Variants in PABPC4L observed in about 807,000 individuals in gnomAD.
PABPC4L encodes the protein polyadenylate-binding protein 4-like.
For synonymous variants in PABPC4L, 169 were observed against 164.1 expected (o/e 1.03, Z -0.23); for missense variants, 452 against 451.4 (o/e 1.00, Z -0.01).
the PABPC4L span, among the ~76,000 whole-genome samples, chr4:134,072,405 C>T: frequency 2.0e-5 from 3 of 152,164 alleles, 1 homozygote; most frequent in Non-Finnish European, 4.4e-5. Flanking sequence ...TAAGTGTTCA[C>T]ACCATTTTAT....
At chr4:134,029,434 T>C in the PABPC4L span, among the ~76,000 whole-genome samples, 1 of 152,032 alleles carries the variant, frequency 6.6e-6, no homozygotes, top group Admixed American at 6.6e-5. Context: ...AAGTAGGACA[T>C]ATTTCCTGCC....
At chr4:134,133,234 TA>T in the PABPC4L span, among the ~76,000 whole-genome samples, 18 of 136,780 alleles carry the variant, frequency 1.3e-4, no homozygotes, top group Non-Finnish European at 2.1e-4. Context: ...ATTAGATATT[TA>T]ATATTACATA....
At chr4:134,022,417 C>T in the PABPC4L span, among the ~76,000 whole-genome samples, 1 of 152,078 alleles carries the variant, frequency 6.6e-6, no homozygotes, top group African/African-American at 2.4e-5. Flanking sequence ...AACACACACA[C>T]ACATGCATGC....
chr4:134,141,933 T>C, the PABPC4L span, among the ~76,000 whole-genome samples: 10 of 151,752 alleles, frequency 6.6e-5, no homozygotes, highest in Admixed American at 4.6e-4. Flanking sequence ...TGTCACTTCT[T>C]TCTTTGAAAA....
the PABPC4L span, among the ~76,000 whole-genome samples, chr4:134,141,233 C>G: frequency 6.6e-6 from 1 of 151,620 alleles, no homozygotes; most frequent in African/African-American, 2.4e-5. Flanking sequence ...ACCAGTACCA[C>G]CACCCCTGTG....
At chr4:134,030,681 A>C in the PABPC4L span, among the ~76,000 whole-genome samples, 1 of 152,126 alleles carries the variant, frequency 6.6e-6, no homozygotes, top group Non-Finnish European at 1.5e-5. Flanking sequence ...TAATGAATGA[A>C]CATTGAAATA....
the PABPC4L span, among the ~76,000 whole-genome samples, chr4:134,035,331 C>T: frequency 6.6e-6 from 1 of 151,920 alleles, no homozygotes; most frequent in East Asian, 1.9e-4. Flanking sequence ...GGTATGAAAC[C>T]TGTAATGTCT....
the PABPC4L span, among the ~76,000 whole-genome samples, chr4:134,027,512 C>T: frequency 6.6e-6 from 1 of 152,152 alleles, no homozygotes; most frequent in East Asian, 1.9e-4. Context: ...CATATCTTCG[C>T]TACTGTTAAT....
chr4:133,994,702 G>T, the PABPC4L span, among the ~76,000 whole-genome samples: 5 of 152,002 alleles, frequency 3.3e-5, no homozygotes, highest in African/African-American at 9.7e-5. Flanking sequence ...TGTGGCTCCC[G>T]TGCTTCCAAA....
chr4:134,005,401 T>C, the PABPC4L span, among the ~76,000 whole-genome samples: 2 of 151,988 alleles, frequency 1.3e-5, no homozygotes, highest in Non-Finnish European at 1.5e-5. Context: ...GGGAGGGCTT[T>C]AAGGAAGAGA....
the PABPC4L span, among the ~76,000 whole-genome samples, chr4:134,180,159 G>C: frequency 6.6e-6 from 1 of 151,978 alleles, no homozygotes; most frequent in Non-Finnish European, 1.5e-5. Context: ...ACAATCCTCA[G>C]CAAATTCATA....
rs2125707979 is a variant in PABPC4L, at chr4:134,197,736, G to A, written c.*2171C>T. 6.6e-6 allele frequency: 1 copy of A among 151,676 alleles called. No individual in the cohort carries two copies. Among genetic ancestry groups the A allele is most frequent in the African/African-American group, 2.4e-5 (1 of 41,484 alleles). 9.4% of individuals were successfully genotyped at this position (151,676 alleles called of 1,614,324 possible). A position where few individuals can be genotyped will look rare whatever the true frequency, so the allele number is the denominator to read the frequency against. On this transcript the variant is annotated 3_prime_UTR_variant, in exon 2 of 2. Coordinates refer to ENST00000421491, the MANE Select transcript of PABPC4L (RefSeq NM_001114734.2). ...TTGTAATTTACAAAAGTGAAATAAAGCAATGATGAAATGGTTTGTTTTACA... is the reference window on the plus strand; with the variant it reads ...TTGTAATTTACAAAAGTGAAATAAAACAATGATGAAATGGTTTGTTTTACA...
the PABPC4L span, among the ~76,000 whole-genome samples, chr4:134,145,335 T>C: frequency 6.6e-6 from 1 of 151,728 alleles, no homozygotes; most frequent in Non-Finnish European, 1.5e-5. Flanking sequence ...AAGAAAAAGA[T>C]TGGGAAATAA....
the PABPC4L span, among the ~76,000 whole-genome samples, chr4:134,119,323 T>C: frequency 2.6e-5 from 4 of 151,766 alleles, no homozygotes; most frequent in Non-Finnish European, 4.4e-5. Flanking sequence ...TACAAACTGA[T>C]ATAATTTTAA....
At chr4:134,183,328 C>A in the PABPC4L span, among the ~76,000 whole-genome samples, 1 of 151,674 alleles carries the variant, frequency 6.6e-6, no homozygotes, top group Non-Finnish European at 1.5e-5. Context: ...GAGCTGGAGG[C>A]CATTATCCTA....
At chr4:134,070,368 G>A in the PABPC4L span, among the ~76,000 whole-genome samples, 1 of 152,018 alleles carries the variant, frequency 6.6e-6, no homozygotes, top group Non-Finnish European at 1.5e-5. Flanking sequence ...GTGGGGGCTG[G>A]GCTGACACAT....
At chr4:134,148,457 A>G in the PABPC4L span, among the ~76,000 whole-genome samples, 58 of 151,976 alleles carry the variant, frequency 3.8e-4, no homozygotes, top group African/African-American at 1.4e-3. Flanking sequence ...GCCACAGCTG[A>G]TATTCTTTAT....
the PABPC4L span, among the ~76,000 whole-genome samples, chr4:134,005,903 G>T: frequency 6.6e-6 from 1 of 151,690 alleles, no homozygotes; most frequent in African/African-American, 2.4e-5. Context: ...AAGTGAAAAG[G>T]TGCAGAGAAT....
the PABPC4L span, among the ~76,000 whole-genome samples, chr4:134,157,922 C>T: frequency 6.6e-6 from 1 of 151,708 alleles, no homozygotes; most frequent in Non-Finnish European, 1.5e-5. Context: ...GTTTTATGCA[C>T]ACAAGGTATG....
Sources: gnomAD v4.1 joint callset for allele counts (sites outside exome capture counted in the v4.1 genomes callset) on GRCh38, gnomAD v4.1.1 for gene constraint, MANE v1.5 for transcripts, NCBI Gene and HGNC (gene_info 2026-07-23, HGNC 2026-07-21) for gene names.